ATP2B1: variants seen among roughly 807,000 people sequenced by gnomAD.
ATP2B1 encodes ATPase plasma membrane Ca2+ transporting 1, also known as plasma membrane calcium-transporting ATPase 1.
A neutral mutation model predicts 124.2 loss-of-function variants in ATP2B1; 14 were observed. That is an observed-to-expected ratio of 0.11 (90% CI 0.07 to 0.18). ATP2B1 has a LOEUF of 0.18. ATP2B1 is among the 10% of genes least tolerant of loss of function. ATP2B1 has a pLI of 1.00. For synonymous variants in ATP2B1, 449 were observed against 492.4 expected (o/e 0.91, Z 1.17); for missense variants, 763 against 1,466.1 (o/e 0.52, Z 7.83).
At chr12:89,608,380 T>G (rs899045365) in intron 15 of ATP2B1, among the ~76,000 whole-genome samples, 9 of 152,120 alleles carry the variant, frequency 5.9e-5, no homozygotes, top group African/African-American at 2.2e-4. Flanking sequence ...TTTGCCATGT[T>G]GGCCAGGCTG....
intron 3 of ATP2B1, among the ~76,000 whole-genome samples, chr12:89,638,404 C>T (rs755099303): frequency 8.5e-5 from 13 of 152,102 alleles, no homozygotes; most frequent in African/African-American, 1.9e-4. Context: ...AAAGTGCTGT[C>T]GTGAAACCTG....
At chr12:89,673,026 C>T (rs1408636662) in intron 1 of ATP2B1, among the ~76,000 whole-genome samples, 1 of 152,184 alleles carries the variant, frequency 6.6e-6, no homozygotes, top group Non-Finnish European at 1.5e-5. Flanking sequence ...AAAATCTTGA[C>T]AGTAATCTTA....
intron 1 of ATP2B1, among the ~76,000 whole-genome samples, chr12:89,695,479 A>T (rs1458024435): frequency 4.6e-5 from 7 of 152,086 alleles, no homozygotes; most frequent in Non-Finnish European, 8.8e-5. Context: ...TAAAAAAAAG[A>T]AAAAAATTCA....
rs1024997292 is a variant in ATP2B1 at position 89,630,480 on chromosome 12, A to G, written c.928+25T>C. The G allele has an allele frequency of 4.0e-6, 6 of 1,502,880 alleles. No homozygotes were observed. The African/African-American group carries it at 7.1e-5, about 18-fold the overall frequency. The allele number at this position is 1,502,880 out of a possible 1,614,324, so 93.1% of individuals were successfully genotyped here. A position where few individuals can be genotyped will look rare whatever the true frequency, so the allele number is the denominator to read the frequency against. Reference sequence around the variant, plus strand: ...ATTATTTGCCCTATTTCCAAATACCAATTATAGAAAATTGTTATTCTTACT... The same window carrying G: ...ATTATTTGCCCTATTTCCAAATACCGATTATAGAAAATTGTTATTCTTACT... On this transcript the variant is annotated intron_variant, in intron 6 of 20. Transcript: ENST00000428670.
At chr12:89,654,270 A>G (rs1253679836) in intron 2 of ATP2B1, among the ~76,000 whole-genome samples, 1 of 152,202 alleles carries the variant, frequency 6.6e-6, no homozygotes, top group Non-Finnish European at 1.5e-5. Context: ...ATTACTGTCT[A>G]TTCAAGTCCA....
intron 15 of ATP2B1, 85 bp downstream of exon 15, chr12:89,609,852 T>C: frequency 1.6e-6 from 2 of 1,230,914 alleles, no homozygotes; most frequent in Non-Finnish European, 2.3e-6. Flanking sequence ...TTAAAATCCA[T>C]AGTAATTTAG....
intron 6 of ATP2B1, among the ~76,000 whole-genome samples, chr12:89,630,017 T>C (rs1881588916): frequency 1.3e-5 from 2 of 152,204 alleles, no homozygotes; most frequent in African/African-American, 2.4e-5. Context: ...TTTAAAAAGA[T>C]TTTGATATCT....
At chr12:89,624,666 A>G (rs1341272011) in intron 8 of ATP2B1, among the ~76,000 whole-genome samples, 2 of 152,204 alleles carry the variant, frequency 1.3e-5, no homozygotes, top group South Asian at 2.1e-4. Flanking sequence ...TTGTACTGAA[A>G]CTAAGACAAA....
At chr12:89,636,446 G>T (rs950037644) in intron 3 of ATP2B1, among the ~76,000 whole-genome samples, 1 of 152,124 alleles carries the variant, frequency 6.6e-6, no homozygotes, top group Admixed American at 6.6e-5. Context: ...TTATAAATTC[G>T]CATGAAGGAA....
At chr12:89,681,989 G>C (rs1303899828) in intron 1 of ATP2B1, among the ~76,000 whole-genome samples, 1 of 152,066 alleles carries the variant, frequency 6.6e-6, no homozygotes, top group Non-Finnish European at 1.5e-5. Flanking sequence ...CATAATAGTA[G>C]ACCTTGAATA....
intron 1 of ATP2B1, among the ~76,000 whole-genome samples, chr12:89,700,654 GA>G (rs1227967662): frequency 1.3e-5 from 2 of 152,194 alleles, no homozygotes. Context: ...CACTTTTGCT[GA>G]TTCCATTCAT....
intron 1 of ATP2B1, among the ~76,000 whole-genome samples, chr12:89,701,766 C>T (rs1011305084): frequency 6.6e-6 from 1 of 152,026 alleles, no homozygotes; most frequent in African/African-American, 2.4e-5. Flanking sequence ...CAGGCAGCCT[C>T]GAACTCCTGG....
At chr12:89,651,469 T>C (rs1041537505) in intron 2 of ATP2B1, among the ~76,000 whole-genome samples, 5 of 151,916 alleles carry the variant, frequency 3.3e-5, no homozygotes, top group African/African-American at 1.2e-4. Context: ...TCTTTTTTAA[T>C]GTTGCCCAGG....
intron 3 of ATP2B1, 57 bp from the exon 4 acceptor site, chr12:89,635,308 C>A: frequency 1.3e-6 from 2 of 1,537,386 alleles, no homozygotes; most frequent in Non-Finnish European, 1.8e-6. Context: ...TGACAACATA[C>A]ATATAGTACG....
At chr12:89,639,632 C>A (rs1354062574) in intron 3 of ATP2B1, among the ~76,000 whole-genome samples, 1 of 150,584 alleles carries the variant, frequency 6.6e-6, no homozygotes, top group Admixed American at 6.6e-5. Context: ...CACCATGGAG[C>A]AAAAAAATCT....
At chr12:89,595,449 T>C (rs1217535586) in intron 20 of ATP2B1, among the ~76,000 whole-genome samples, 8 of 152,086 alleles carry the variant, frequency 5.3e-5, no homozygotes, top group Admixed American at 5.2e-4. Context: ...TAGAGACCTG[T>C]AAGAGTGAAG....
chr12:89,675,942 C>T (rs1477468143), intron 1 of ATP2B1, among the ~76,000 whole-genome samples: 2 of 152,170 alleles, frequency 1.3e-5, no homozygotes, highest in East Asian at 3.9e-4. Flanking sequence ...GAATATTTAA[C>T]AAATCAATTT....
At chr12:89,637,346 A>C (rs2136209031) in intron 3 of ATP2B1, among the ~76,000 whole-genome samples, 1 of 152,338 alleles carries the variant, frequency 6.6e-6, no homozygotes, top group South Asian at 2.1e-4. Flanking sequence ...TTCTGAAATT[A>C]AACTTAGACC....
At chr12:89,605,286 T>C (rs1876614017) in intron 15 of ATP2B1, among the ~76,000 whole-genome samples, 2 of 152,274 alleles carry the variant, frequency 1.3e-5, no homozygotes, top group African/African-American at 4.8e-5. Flanking sequence ...TTCCCCAAAT[T>C]CATGTGTTGG....
Sources: gnomAD v4.1 joint callset for allele counts (sites outside exome capture counted in the v4.1 genomes callset) on GRCh38, gnomAD v4.1.1 for gene constraint, MANE v1.5 for transcripts, NCBI Gene and HGNC (gene_info 2026-07-23, HGNC 2026-07-21) for gene names.